Variants in LARGE1 observed in about 807,000 individuals in gnomAD.
LARGE1 encodes xylosyl- and glucuronyltransferase LARGE1.
A neutral mutation model predicts 87.6 loss-of-function variants in LARGE1; 43 were observed. That is an observed-to-expected ratio of 0.49 (90% CI 0.38 to 0.63). LARGE1 has a LOEUF of 0.63. Among genes scored for constraint, LARGE1 ranks in the 30% least tolerant of loss-of-function variants. The pLI is 0.00. For synonymous variants in LARGE1, 434 were observed against 394.6 expected (o/e 1.10, Z -1.18); for missense variants, 802 against 1,000.2 (o/e 0.80, Z 2.67).
intron 14 of LARGE1, among the ~76,000 whole-genome samples, chr22:33,276,143 G>A (rs1929232186): frequency 6.6e-6 from 1 of 151,780 alleles, no homozygotes; most frequent in African/African-American, 2.4e-5. Context: ...TGAATTGGAG[G>A]TGCTCTTGTT....
intron 11 of LARGE1, among the ~76,000 whole-genome samples, chr22:33,260,183 C>T (rs1844943392): frequency 6.6e-6 from 1 of 152,210 alleles, no homozygotes; most frequent in Non-Finnish European, 1.5e-5. Context: ...CCCACATTTT[C>T]TTCCCACCCC....
At position 33,595,684 on chromosome 22, in the gene LARGE1, G is replaced by A. The variant is rs368077838; in HGVS notation, c.615+8751C>T. The stretch of plus-strand genomic sequence containing the variant: ...TCAGGTCTTCAAACAACTGGTTGAT[G>A]CACACTGTGTAGCTCAAAACATAGA... On this transcript the variant is annotated intron_variant, in intron 5 of 14. Transcript: ENST00000397394. Among the ~76,000 whole-genome samples, 9 of 152,352 alleles carry A rather than the reference G, an allele frequency of 5.9e-5. No homozygotes were observed. The East Asian group carries it at 1.3e-3, about 23-fold the overall frequency.
At chr22:33,723,594 A>T (rs1004900847) in intron 2 of LARGE1, among the ~76,000 whole-genome samples, 1 of 152,232 alleles carries the variant, frequency 6.6e-6, no homozygotes, top group African/African-American at 2.4e-5. Context: ...TCAACAAATC[A>T]AGGGAAAAGG....
At chr22:33,432,359 A>G in intron 6 of LARGE1, 94 bp from the exon 7 acceptor site, 1 of 891,920 alleles carries the variant, frequency 1.1e-6, no homozygotes, top group Non-Finnish European at 1.8e-6. Context: ...GCAAATCATC[A>G]CAACAACAGT....
chr22:33,270,461 C>T (rs112022085), downstream of LARGE1, among the ~76,000 whole-genome samples: 2,957 of 152,276 alleles, frequency 0.019, 55 homozygotes, highest in African/African-American at 0.044. Context: ...GATTTTGGTT[C>T]AAATTCTGGC....
chr22:33,389,659 A>G (rs1013569718), intron 7 of LARGE1, among the ~76,000 whole-genome samples: 1 of 152,224 alleles, frequency 6.6e-6, no homozygotes, highest in African/African-American at 2.4e-5. Context: ...AGCCTGGCCA[A>G]CATGGAGAAA....
intron 11 of LARGE1, among the ~76,000 whole-genome samples, chr22:33,242,277 A>G (rs950212092): frequency 6.6e-6 from 1 of 152,182 alleles, no homozygotes; most frequent in Non-Finnish European, 1.5e-5. Flanking sequence ...GAGAGAGGTG[A>G]TTCATTCTGC....
the LARGE1 span, among the ~76,000 whole-genome samples, chr22:33,144,926 A>T: frequency 1.3e-5 from 2 of 152,144 alleles, no homozygotes; most frequent in African/African-American, 4.8e-5. Flanking sequence ...CAACCTCTAC[A>T]GTTGGCATGT....
chr22:33,093,853 G>GTTTTTTTTT, the LARGE1 span, among the ~76,000 whole-genome samples: 1 of 97,922 alleles, frequency 1.0e-5, no homozygotes. Context: ...TTGAGACAGA[G>GTTTTTTTTT]TTTTGCTCCC....
chr22:33,132,851 T>C, the LARGE1 span, among the ~76,000 whole-genome samples: 1 of 152,210 alleles, frequency 6.6e-6, no homozygotes, highest in Non-Finnish European at 1.5e-5. Context: ...GCATGTAACA[T>C]ACACTTTTAA....
chr22:33,827,799 A>G (rs999691940), intron 1 of LARGE1, among the ~76,000 whole-genome samples: 1 of 152,054 alleles, frequency 6.6e-6, no homozygotes, highest in African/African-American at 2.4e-5. Context: ...TCACCTGGAG[A>G]GCTTTGTTCA....
At chr22:33,264,958 C>T (rs903194259) in intron 11 of LARGE1, among the ~76,000 whole-genome samples, 4 of 136,370 alleles carry the variant, frequency 2.9e-5, no homozygotes, top group South Asian at 2.4e-4. Context: ...TGCAATGGCA[C>T]GATCTCAGCT....
chr22:33,827,651 G>C (rs1257802983), intron 1 of LARGE1, among the ~76,000 whole-genome samples: 1 of 152,208 alleles, frequency 6.6e-6, no homozygotes, highest in African/African-American at 2.4e-5. Flanking sequence ...ATGAGAAGAG[G>C]CATCACATCA....
intron 2 of LARGE1, among the ~76,000 whole-genome samples, chr22:33,697,857 A>C (rs1271596363): frequency 6.6e-6 from 1 of 152,204 alleles, no homozygotes; most frequent in Non-Finnish European, 1.5e-5. Flanking sequence ...TGCCTGGGTG[A>C]GTTAAACCGC....
At position 33,601,090 on chromosome 22, in the gene LARGE1, A is replaced by G. The variant is rs928988006; in HGVS notation, c.615+3345T>C. On this transcript the variant is annotated intron_variant, in intron 5 of 14. Transcript: ENST00000397394. ...GTCTGCAAAACAAACAAACAAACAA[A>G]AACTGTGGCCTCTAGCTCAGAGCAG... Among the ~76,000 whole-genome samples, 29 of 151,964 alleles carry G rather than the reference A, an allele frequency of 1.9e-4. No homozygotes were observed. In the East Asian group the frequency reaches 5.4e-3, roughly 28 times the overall value.
At chr22:33,312,118 T>C (rs930992529) in intron 11 of LARGE1, among the ~76,000 whole-genome samples, 20 of 152,164 alleles carry the variant, frequency 1.3e-4, no homozygotes, top group Admixed American at 1.2e-3. Context: ...GTAACAACCT[T>C]AGGGATGAGG....
At chr22:33,686,480 T>C (rs1290584725) in intron 2 of LARGE1, among the ~76,000 whole-genome samples, 1 of 150,696 alleles carries the variant, frequency 6.6e-6, no homozygotes, top group Non-Finnish European at 1.5e-5. Flanking sequence ...GAGGCAGACG[T>C]TGCAGTGAGC....
At chr22:33,200,799 TG>T (rs1253211251) in intron 11 of LARGE1, among the ~76,000 whole-genome samples, 2 of 152,182 alleles carry the variant, frequency 1.3e-5, no homozygotes, top group African/African-American at 2.4e-5. Context: ...TTTCAGGAGC[TG>T]AGCAAAGGAA....
intron 6 of LARGE1, among the ~76,000 whole-genome samples, chr22:33,493,429 G>A (rs1419561251): frequency 6.6e-6 from 1 of 152,066 alleles, no homozygotes; most frequent in Non-Finnish European, 1.5e-5. Flanking sequence ...CCAAAGTGCT[G>A]GGATTACAGG....
Sources: gnomAD v4.1 joint callset for allele counts (sites outside exome capture counted in the v4.1 genomes callset) on GRCh38, gnomAD v4.1.1 for gene constraint, MANE v1.5 for transcripts, NCBI Gene and HGNC (gene_info 2026-07-23, HGNC 2026-07-21) for gene names.